Variants in PLK4 observed in about 807,000 individuals in gnomAD.
PLK4 encodes the protein serine/threonine-protein kinase PLK4.
A neutral mutation model predicts 103.0 loss-of-function variants in PLK4; 51 were observed. The ratio of observed to expected loss-of-function variants is 0.50; its 90% CI spans 0.40 to 0.63. The LOEUF (loss-of-function observed/expected upper bound fraction) is 0.63. Ranked by LOEUF, PLK4 falls within the 20% of genes least tolerant of loss-of-function variation. The probability of loss-of-function intolerance (pLI) is 0.00; values close to 1 mark genes in which losing one functional copy is unlikely to be tolerated. For synonymous variants in PLK4, 389 were observed against 376.8 expected (o/e 1.03, Z -0.38); for missense variants, 1,054 against 1,151.0 (o/e 0.92, Z 1.22).
intron 5 of PLK4, among the ~76,000 whole-genome samples, 160 bp downstream of exon 5, chr4:127,886,888 G>A (rs1483538276): frequency 3.3e-5 from 5 of 151,782 alleles, no homozygotes. Flanking sequence ...TAACAGGAGT[G>A]TGTGTGTTCA....
intron 1 of PLK4, 31 bp downstream of exon 1, chr4:127,881,195 G>A: frequency 1.2e-6 from 2 of 1,613,780 alleles, no homozygotes; most frequent in South Asian, 1.1e-5. Flanking sequence ...GCAGCGGGGC[G>A]GGTGGGAGTA....
chr4:127,894,583 ACTC>A (rs1735491755), intron 13 of PLK4, among the ~76,000 whole-genome samples: 1 of 152,052 alleles, frequency 6.6e-6, no homozygotes, highest in African/African-American at 2.4e-5. Context: ...CTCATGATAG[ACTC>A]ATGATTAAAT....
intron 4 of PLK4, among the ~76,000 whole-genome samples, chr4:127,884,148 A>G (rs1735031154): frequency 6.6e-6 from 1 of 152,234 alleles, no homozygotes; most frequent in East Asian, 1.9e-4. Flanking sequence ...ATAATTATTT[A>G]CTATCAAATA....
At chr4:127,887,895 A>G (rs1320879399) in intron 6 of PLK4, among the ~76,000 whole-genome samples, 1 of 144,638 alleles carries the variant, frequency 6.9e-6, no homozygotes, top group East Asian at 2.1e-4. Flanking sequence ...AAAAAAAAGC[A>G]TTGGCCAGGC....
chr4:127,881,486 G>A, intron 1 of PLK4: 2 of 1,007,918 alleles, frequency 2.0e-6, no homozygotes, highest in Non-Finnish European at 2.7e-6. Context: ...CCAAGGGGAT[G>A]GCGGTTATCT....
Position 127,893,863 on chromosome 4 carries a change from AC to A in PLK4, c.2546del (p.Pro849GlnfsTer29). 6.4e-7 allele frequency: 1 copy of A among 1,560,958 alleles called. No individual in the cohort carries two copies. The highest frequency in any genetic ancestry group is 8.8e-7 in the Non-Finnish European group (1 of 1,132,136). The stretch of plus-strand genomic sequence containing the variant: ...ATAGTGCTGCTTCTCCAACACAGGC[AC>A]CAATCCTTAATCCCTCTGTAAGTAA... ...MHSAASPTQA[P>X]ILNPSMVTNE... is the part of the protein sequence containing the mutation. On this transcript the variant is annotated frameshift_variant, in exon 13 of 16. Coordinates refer to ENST00000270861, the MANE Select transcript of PLK4 (RefSeq NM_014264.5). LOFTEE classifies it high-confidence loss of function.
In PLK4 at chr4:127,898,569, TAATA is replaced by T. The variant is rs1735664200; in HGVS notation, c.*34_*37del. 1 of 1,043,040 alleles carries T rather than the reference TAATA, an allele frequency of 9.6e-7. No individual in the cohort carries two copies. Among genetic ancestry groups the T allele is most frequent in the South Asian group, 1.4e-5 (1 of 71,772 alleles). The allele number at this position is 1,043,040 out of a possible 1,614,324, so 64.6% of individuals were successfully genotyped here. On this transcript the variant is annotated 3_prime_UTR_variant, in exon 16 of 16. Coordinates refer to ENST00000270861, the MANE Select transcript of PLK4 (RefSeq NM_014264.5). Reference sequence around the variant, plus strand: ...AAAACTCCTTTCAGACATATAAGTTTAATAAATAACTTTTTTGTTGACTTTCAAG... The same window carrying T: ...AAAACTCCTTTCAGACATATAAGTTTAATAACTTTTTTGTTGACTTTCAAG...
Position 127,883,543 on chromosome 4 carries a change from A to C in PLK4, c.327A>C (p.Ser109=). 2 of 1,444,362 alleles carry C rather than the reference A, an allele frequency of 1.4e-6. No homozygotes were observed. Among genetic ancestry groups the C allele is most frequent in the South Asian group, 2.4e-5 (2 of 84,638 alleles). 89.5% of individuals were successfully genotyped at this position (1,444,362 alleles called of 1,614,324 possible). Residue 109 remains serine, a synonymous_variant, in exon 4 of 16, where the codon TCA becomes TCC. Transcript: ENST00000270861. The part of the protein sequence containing the change: ...RYLKNRVKPF[S]ENEARHFMHQ... ...TAAAGAATAGAGTGAAACCCTTCTC[A>C]GAAAATGAAGGTAGGTGTGTGGTTT...
intron 15 of PLK4, among the ~76,000 whole-genome samples, chr4:127,897,616 A>T (rs1360481273): frequency 6.6e-6 from 1 of 152,072 alleles, no homozygotes; most frequent in African/African-American, 2.4e-5. Flanking sequence ...CCATCACTTA[A>T]ATAACTATGT....
In PLK4 at chr4:127,892,377, G is replaced by A. The variant is rs749534278; in HGVS notation, c.2051G>A (p.Arg684Gln). 1.9e-5 allele frequency: 29 copies of A among 1,561,964 alleles called. No individual in the cohort carries two copies. Among genetic ancestry groups the A allele is most frequent in the African/African-American group, 7.1e-5 (5 of 70,862 alleles). ...TTTTTTTCCTTAGAAAAATACTGGCGAAAATATCAATATGCTTCCAGGTTT... is the reference window on the plus strand; with the variant it reads ...TTTTTTTCCTTAGAAAAATACTGGCAAAAATATCAATATGCTTCCAGGTTT... ...SFDNLPEKYW[R>Q]KYQYASRFVQ... The change falls in exon 10 of 16, where the codon CGA becomes CAA. Residue 684 changes from arginine (R) to glutamine (Q), a missense_variant. Coordinates refer to ENST00000270861, the MANE Select transcript of PLK4 (RefSeq NM_014264.5).
Position 127,886,716 on chromosome 4 carries a change from ACAAT to A in PLK4, c.1350_1353del (p.Asn450LysfsTer35), listed in dbSNP as rs781121267. The stretch of plus-strand genomic sequence containing the variant: ...TCTGGATCTTTTGAAAGACCTGATA[ACAAT>A]CAAGCACTGTAAGAATAATTCTATC... On this transcript the variant is annotated frameshift_variant, in exon 5 of 16. Transcript: ENST00000270861. LOFTEE classifies it high-confidence loss of function. 6.3e-6 allele frequency: 10 copies of A among 1,594,758 alleles called. No individual in the cohort carries two copies. Among genetic ancestry groups the A allele is most frequent in the Admixed American group, 3.5e-5 (2 of 56,726 alleles).
chr4:127,891,254 G>A, intron 8 of PLK4, 58 bp downstream of exon 8: 2 of 863,382 alleles, frequency 2.3e-6, no homozygotes, highest in Non-Finnish European at 3.7e-6. Flanking sequence ...AGCACGTTTA[G>A]CATTCTAATT....
rs185815412 is a variant in PLK4, at chr4:127,893,475, G to A, written c.2323-38G>A. 4.3e-3 allele frequency: 6,850 copies of A among 1,600,916 alleles called. 33 individuals carry two copies. The highest frequency in any genetic ancestry group is 4.7e-3 in the Non-Finnish European group (5,495 of 1,171,538). On this transcript the variant is annotated intron_variant, in intron 11 of 15. Transcript: ENST00000270861. ...ATTAATAATGATTGCAAATGACATA[G>A]GTGAAACAATGACAGAAGCACTCTT...
chr4:127,897,824 CTTTTTTTTTTTTTTT>C lies in PLK4; in HGVS notation c.2811-595_2811-581del, dbSNP rs200741150. On this transcript the variant is annotated intron_variant, in intron 15 of 15. Coordinates refer to ENST00000270861, the MANE Select transcript of PLK4 (RefSeq NM_014264.5). ...TTGGTATTTTTCTGTAGAATTAGGG[CTTTTTTTTTTTTTTT>C]TTTTTTTTTTTTTTTTTTTGAGACA... 7.5e-3 allele frequency among the ~76,000 whole-genome samples: 216 copies of C among 28,800 alleles called. 1 individual carries two copies. Among genetic ancestry groups the C allele is most frequent in the African/African-American group, 0.036 (199 of 5,462 alleles). 18.9% of individuals were successfully genotyped at this position (28,800 alleles called of 152,430 possible).
At chr4:127,887,209 C>G (rs915131152) in intron 5 of PLK4, 187 bp from the exon 6 acceptor site, 47 of 504,372 alleles carry the variant, frequency 9.3e-5, no homozygotes, top group African/African-American at 9.0e-4. Context: ...TCAAAGTGCC[C>G]TGGGCATTTT....
In PLK4 at chr4:127,888,687, C is replaced by T. The variant is rs577192015; in HGVS notation, c.1460-1179C>T. Among the ~76,000 whole-genome samples the T allele has an allele frequency of 2.8e-4, 42 of 152,208 alleles. 2 individuals carry two copies. The highest frequency in any genetic ancestry group is 6.8e-3 in the Middle Eastern group (2 of 294). Reference sequence around the variant, plus strand: ...CAGAGTTTGAAGGTTAAACATTCCTCATTAATGAACATGACAGATTCACAG... The same window carrying T: ...CAGAGTTTGAAGGTTAAACATTCCTTATTAATGAACATGACAGATTCACAG... On this transcript the variant is annotated intron_variant, in intron 6 of 15. Transcript: ENST00000270861.
chr4:127,896,732 T>G (rs576478281), intron 14 of PLK4, 69 bp from the exon 15 acceptor site: 1 of 814,732 alleles, frequency 1.2e-6, no homozygotes, highest in African/African-American at 1.7e-5. Flanking sequence ...TATAGTAATT[T>G]TGTGTGCTAC....
At chr4:127,881,617 C>T (rs1734931266) in intron 1 of PLK4, among the ~76,000 whole-genome samples, 2 of 152,150 alleles carry the variant, frequency 1.3e-5, no homozygotes, top group South Asian at 4.1e-4. Context: ...GGTGCACCAT[C>T]ACCCTGAGCT....
At chr4:127,882,702 G>A (rs1393613622) in intron 2 of PLK4, among the ~76,000 whole-genome samples, 8 of 152,104 alleles carry the variant, frequency 5.3e-5, no homozygotes, top group African/African-American at 1.9e-4. Flanking sequence ...AGGTTGTGGT[G>A]AGCTGAGATC....
Sources: gnomAD v4.1 joint callset for allele counts (sites outside exome capture counted in the v4.1 genomes callset) on GRCh38, gnomAD v4.1.1 for gene constraint, MANE v1.5 for transcripts, NCBI Gene and HGNC (gene_info 2026-07-23, HGNC 2026-07-21) for gene names.